The following VAV3 variants were observed in gnomAD, a reference collection of about 807,000 sequenced individuals.
VAV3 encodes the protein vav guanine nucleotide exchange factor 3, also known as guanine nucleotide exchange factor VAV3.
VAV3 carries 94 observed loss-of-function variants against 131.2 expected under a neutral mutation model. The observed-to-expected ratio is 0.72, with a 90% CI of 0.61 to 0.85. The LOEUF (loss-of-function observed/expected upper bound fraction) is 0.85, where lower values mean the gene tolerates loss of function less well. VAV3 is among the 40% of genes least tolerant of loss of function. The pLI is 0.00. For synonymous variants in VAV3, 349 were observed against 342.0 expected (o/e 1.02, Z -0.22); for missense variants, 939 against 1,002.7 (o/e 0.94, Z 0.86).
intron 1 of VAV3, among the ~76,000 whole-genome samples, chr1:107,930,439 C>G (rs1673373334): frequency 6.6e-6 from 1 of 152,028 alleles, no homozygotes; most frequent in Non-Finnish European, 1.5e-5. Context: ...TCTGCCCCTC[C>G]CCTCCAAAAA....
intron 2 of VAV3, among the ~76,000 whole-genome samples, chr1:107,789,419 C>T (rs1430090673): frequency 6.6e-6 from 1 of 152,126 alleles, no homozygotes; most frequent in Admixed American, 6.5e-5. Flanking sequence ...ATCTTTTGTC[C>T]CAGCCTCAGG....
At chr1:107,803,671 G>A (rs1046293441) in intron 2 of VAV3, among the ~76,000 whole-genome samples, 10 of 151,994 alleles carry the variant, frequency 6.6e-5, no homozygotes, top group Non-Finnish European at 1.2e-4. Flanking sequence ...CCTAAGATAC[G>A]GTGCATTTTG....
chr1:107,921,830 T>C (rs1672913162), intron 1 of VAV3, among the ~76,000 whole-genome samples: 1 of 152,196 alleles, frequency 6.6e-6, no homozygotes, highest in Non-Finnish European at 1.5e-5. Context: ...TTGATTTTCT[T>C]AATCTGTAAA....
At position 107,755,397 on chromosome 1, in the gene VAV3, G is replaced by A. The variant is rs200491565; in HGVS notation, c.1173+30C>T. On this transcript the variant is annotated intron_variant, in intron 12 of 26. Coordinates refer to ENST00000370056, the MANE Select transcript of VAV3 (RefSeq NM_006113.5). ...AGAATGTCGTTGATGTGGGGGTGAG[G>A]GGAAGCTGGATGGAAAGATAATTAC... 270 of 1,500,328 alleles carry A rather than the reference G, an allele frequency of 1.8e-4. No individual in the cohort carries two copies. In the Middle Eastern group the frequency reaches 3.2e-3, roughly 18 times the overall value. 92.9% of individuals were successfully genotyped at this position (1,500,328 alleles called of 1,614,324 possible).
At chr1:107,713,867 T>C (rs1345683047) in intron 15 of VAV3, among the ~76,000 whole-genome samples, 1 of 152,126 alleles carries the variant, frequency 6.6e-6, no homozygotes, top group African/African-American at 2.4e-5. Flanking sequence ...TAAATGCTCA[T>C]CATCTCCTAT....
rs138739717 is a variant in VAV3 at position 107,885,176 on chromosome 1, G to A, written c.205-10159C>T. Among the ~76,000 whole-genome samples, 1,262 of 152,256 alleles carry A rather than the reference G, an allele frequency of 8.3e-3. 14 individuals carry two copies. The highest frequency in any genetic ancestry group is 0.029 in the African/African-American group (1,199 of 41,542). On this transcript the variant is annotated intron_variant, in intron 1 of 26. Coordinates refer to ENST00000370056, the MANE Select transcript of VAV3 (RefSeq NM_006113.5). ...TCGCCATGCTTGCCTTGCCCCAGAA[G>A]GAGGGGAGCTGGGGTTTTTCCTCAT...
intron 1 of VAV3, among the ~76,000 whole-genome samples, chr1:107,911,170 T>TA (rs1672351733): frequency 6.6e-6 from 1 of 152,108 alleles, no homozygotes; most frequent in South Asian, 2.1e-4. Flanking sequence ...TATTTCCTAT[T>TA]ACGAAAAGAG....
chr1:107,575,000 TGCGCGCGCGCGCGCGCACACGC>T (rs748285835), intron 25 of VAV3, among the ~76,000 whole-genome samples: 1,881 of 103,888 alleles, frequency 0.018, 51 homozygotes, highest in Admixed American at 0.08. Flanking sequence ...TGTGCGTGCG[TGCGCGCGCGCGCGCGCACACGC>T]GCGCGTGTTT....
In VAV3 at chr1:107,758,846, A is replaced by T. The variant is rs113192281; in HGVS notation, c.1018-1517T>A. Reference sequence around the variant, plus strand: ...ACAACTTATATTCTATTCATACTAAATTAATTGCAATTCTTAAATTATGTT... The same window carrying T: ...ACAACTTATATTCTATTCATACTAATTTAATTGCAATTCTTAAATTATGTT... On this transcript the variant is annotated intron_variant, in intron 10 of 26. Coordinates refer to ENST00000370056, the MANE Select transcript of VAV3 (RefSeq NM_006113.5). 4.6e-5 allele frequency among the ~76,000 whole-genome samples: 7 copies of T among 152,286 alleles called. No homozygotes were observed. The East Asian group carries it at 1.3e-3, about 29-fold the overall frequency.
intron 1 of VAV3, among the ~76,000 whole-genome samples, chr1:107,915,449 T>A (rs929877976): frequency 1.3e-5 from 2 of 152,150 alleles, no homozygotes; most frequent in African/African-American, 4.8e-5. Flanking sequence ...GTAGCACAGG[T>A]CTCAGGTGAA....
intron 12 of VAV3, among the ~76,000 whole-genome samples, chr1:107,752,530 A>G (rs1663800303): frequency 1.3e-5 from 2 of 152,228 alleles, no homozygotes; most frequent in African/African-American, 4.8e-5. Flanking sequence ...CAGACACAAG[A>G]AAAGTATTTG....
intron 12 of VAV3, among the ~76,000 whole-genome samples, chr1:107,753,150 A>G (rs1207670509): frequency 6.6e-6 from 1 of 152,196 alleles, no homozygotes; most frequent in African/African-American, 2.4e-5. Context: ...ATGTTGACAC[A>G]TGACTACTAC....
At chr1:107,618,004 G>A (rs2101223698) in intron 20 of VAV3, among the ~76,000 whole-genome samples, 2 of 152,212 alleles carry the variant, frequency 1.3e-5, no homozygotes, top group Middle Eastern at 6.8e-3. Flanking sequence ...GGTTTCGGGA[G>A]GAAACTGTTC....
In VAV3 at chr1:107,946,286, A is replaced by G. The variant is rs113959058; in HGVS notation, c.204+18380T>C. On this transcript the variant is annotated intron_variant, in intron 1 of 26. Coordinates refer to ENST00000370056, the MANE Select transcript of VAV3 (RefSeq NM_006113.5). ...ATAAACACCCTGCAATAATAGCTTG[A>G]CCAGTATCATGAGGTAGCTACTTTT... Among the ~76,000 whole-genome samples, 350 of 152,304 alleles carry G rather than the reference A, an allele frequency of 2.3e-3. 1 individual carries two copies. The highest frequency in any genetic ancestry group is 8.0e-3 in the African/African-American group (334 of 41,560).
intron 20 of VAV3, among the ~76,000 whole-genome samples, chr1:107,619,420 G>A (rs1360363241): frequency 6.6e-6 from 1 of 152,098 alleles, no homozygotes; most frequent in Non-Finnish European, 1.5e-5. Context: ...GCTCTATAAT[G>A]GTTTGTTTTC....
At chr1:107,805,538 C>G (rs924411194) in intron 2 of VAV3, among the ~76,000 whole-genome samples, 1 of 152,128 alleles carries the variant, frequency 6.6e-6, no homozygotes, top group Admixed American at 6.6e-5. Flanking sequence ...TGTTAAATTT[C>G]TCTGGTAAAT....
At position 107,836,413 on chromosome 1, in the gene VAV3, TATA is replaced by T. The variant is rs1220971346; in HGVS notation, c.321+38485_321+38487del. Among the ~76,000 whole-genome samples the T allele has an allele frequency of 2.6e-5, 4 of 152,300 alleles. No individual in the cohort carries two copies. The East Asian group carries it at 5.8e-4, about 22-fold the overall frequency. ...TTACAACATACCAAAATACTTGGGATATAATGAGAGTAGTTTTAAGAGGAAAGT... is the reference window on the plus strand; with the variant it reads ...TTACAACATACCAAAATACTTGGGATATGAGAGTAGTTTTAAGAGGAAAGT... On this transcript the variant is annotated intron_variant, in intron 2 of 26. Transcript: ENST00000370056.
intron 2 of VAV3, among the ~76,000 whole-genome samples, chr1:107,829,655 T>C (rs1003093224): frequency 8.5e-5 from 13 of 152,174 alleles, no homozygotes; most frequent in African/African-American, 2.9e-4. Context: ...TTAACAAAGT[T>C]GACTTTATTT....
chr1:107,930,563 T>C (rs1673381102), intron 1 of VAV3, among the ~76,000 whole-genome samples: 1 of 152,182 alleles, frequency 6.6e-6, no homozygotes, highest in Non-Finnish European at 1.5e-5. Context: ...CAGGGTTACC[T>C]AGTCGATAAG....
Sources: allele counts gnomAD v4.1 joint callset (sites outside exome capture counted in the v4.1 genomes callset), GRCh38; gene constraint gnomAD v4.1.1; transcripts MANE v1.5; gene names NCBI Gene and HGNC (gene_info 2026-07-23, HGNC 2026-07-21).